The following ACSM4 variants were observed in gnomAD, a reference collection of about 807,000 sequenced individuals.
ACSM4 encodes acyl-coenzyme A synthetase ACSM4, mitochondrial.
Under a neutral mutation model 73.0 loss-of-function variants are expected in ACSM4, and 66 were observed. The ratio of observed to expected loss-of-function variants is 0.90; its 90% CI spans 0.74 to 1.11. ACSM4 has a LOEUF of 1.11. Ranked by LOEUF, ACSM4 falls within the 50% of genes least tolerant of loss-of-function variation. The pLI is 0.00. For synonymous variants in ACSM4, 222 were observed against 254.0 expected, an observed-to-expected ratio of 0.87 and a Z score of 1.20; for missense variants, 645 against 714.4, an observed-to-expected ratio of 0.90 and a Z score of 1.11.
At chr12:7,305,696 C>T (rs1470431986) in intron 1 of ACSM4, among the ~76,000 whole-genome samples, 1 of 152,128 alleles carries the variant, frequency 6.6e-6, no homozygotes, top group Non-Finnish European at 1.5e-5. Context: ...GGAGTATGAG[C>T]ACAACGATGA....
chr12:7,313,953 G>A (rs1251902510), intron 3 of ACSM4, among the ~76,000 whole-genome samples: 1 of 152,142 alleles, frequency 6.6e-6, no homozygotes, highest in Non-Finnish European at 1.5e-5. Flanking sequence ...GGTCAGGTTT[G>A]GATTTTAAAT....
chr12:7,304,715 G>A (rs1161883424), intron 1 of ACSM4, among the ~76,000 whole-genome samples, 183 bp downstream of exon 1: 1 of 152,164 alleles, frequency 6.6e-6, no homozygotes, highest in African/African-American at 2.4e-5. Flanking sequence ...AGCCACAAAT[G>A]GCTGGGCGGC....
chr12:7,313,290 T>C (rs1351792928), intron 3 of ACSM4, among the ~76,000 whole-genome samples: 5 of 152,146 alleles, frequency 3.3e-5, no homozygotes, highest in African/African-American at 1.2e-4. Flanking sequence ...TTGCACACTT[T>C]GGGAGTGGTT....
In ACSM4 at chr12:7,304,408, A is replaced by T. The variant is rs751261458; in HGVS notation, c.77A>T (p.Asp26Val). 2 of 1,613,988 alleles carry T rather than the reference A, an allele frequency of 1.2e-6. No homozygotes were observed. Among genetic ancestry groups the T allele is most frequent in the African/African-American group, 2.7e-5 (2 of 75,042 alleles). The part of the protein sequence containing the change: ...TKPPGRRLHK[D>V]HQLWTPLTLA... Reference sequence around the variant, plus strand: ...CCACCTGGCCGGCGCTTACACAAAGATCACCAGCTTTGGACGCCTCTGACT... The same window carrying T: ...CCACCTGGCCGGCGCTTACACAAAGTTCACCAGCTTTGGACGCCTCTGACT... Residue 26 changes from aspartate (D) to valine (V), a missense_variant, in exon 1 of 13, where the codon GAT (aspartate) becomes GTT (valine). Physicochemically the swap from Asp to Val is radical, Grantham distance 152. Transcript: ENST00000399422.
Position 7,324,516 on chromosome 12 carries a change from T to C in ACSM4, c.1454T>C (p.Phe485Ser). ...CTCTTCAGGTACCGTATTGGGCCAT[T>C]TGAAGTGGAGAGTGCACTCATTGAG... ...IISSGYRIGP[F>S]EVESALIEHP... The change falls in exon 11 of 13, where the codon TTT becomes TCT. Residue 485 changes from phenylalanine to serine, a missense_variant. Phe to Ser is a radical substitution (Grantham distance 155). Transcript: ENST00000399422. The C allele has an allele frequency of 6.2e-7, 1 of 1,613,916 alleles. No homozygotes were observed. The highest frequency in any genetic ancestry group is 8.5e-7 in the Non-Finnish European group (1 of 1,179,858).
chr12:7,305,061 G>A (rs1340128301), intron 1 of ACSM4, among the ~76,000 whole-genome samples: 1 of 152,144 alleles, frequency 6.6e-6, no homozygotes, highest in Non-Finnish European at 1.5e-5. Context: ...ATGCACTGCA[G>A]GACCATGGAT....
At chr12:7,310,895 C>G (rs7962994) in intron 3 of ACSM4, 149 bp downstream of exon 3, 845,689 of 846,418 alleles carry the variant, frequency 1, 422,483 homozygotes, top group East Asian at 1. Context: ...GCTGGGTGCG[C>G]TGGCTCACAC....
chr12:7,306,847 C>CAAAAAAAAAAAAAA (rs59277746), intron 2 of ACSM4, 104 bp downstream of exon 2: 1 of 442,838 alleles, frequency 2.3e-6, no homozygotes, highest in African/African-American at 2.4e-5. Context: ...ATACAGAAGA[C>CAAAAAAAAAAAAAA]AAAAAAAAAA....
intron 4 of ACSM4, 136 bp downstream of exon 4, chr12:7,317,416 T>C (rs941314149): frequency 8.0e-7 from 1 of 1,249,694 alleles, no homozygotes; most frequent in Non-Finnish European, 1.1e-6. Flanking sequence ...GAACTCTTGC[T>C]GGCCCCGCCC....
Position 7,324,832 on chromosome 12 carries a change from T to TA in ACSM4, c.1536+249dup, listed in dbSNP as rs34818475. Among the ~76,000 whole-genome samples the TA allele has an allele frequency of 7.3e-3, 995 of 136,774 alleles. 12 individuals carry two copies. The highest frequency in any genetic ancestry group is 0.022 in the Middle Eastern group (6 of 272). The allele number at this position is 136,774 out of a possible 152,430, so 89.7% of individuals were successfully genotyped here. On this transcript the variant is annotated intron_variant, in intron 11 of 12. Transcript: ENST00000399422. ...AAACACAATTCCAACTGCCTTAAGT[T>TA]AAAAAAAAAAAAAAAGCATTTGGCT... is the stretch of plus-strand genomic sequence containing the variant.
intron 5 of ACSM4, chr12:7,318,407 A>G: frequency 2.0e-6 from 1 of 498,940 alleles, no homozygotes; most frequent in Non-Finnish European, 3.5e-6. Context: ...TCTGCTTCAA[A>G]TAGCTCAGGA....
rs1415889554 is a variant in ACSM4 at position 7,327,069 on chromosome 12, A to G, written c.1630A>G (p.Thr544Ala). Residue 544 changes from threonine (T) to alanine (A), a missense_variant, in exon 12 of 13, where the codon ACT (threonine) becomes GCT (alanine). Thr to Ala is a moderately conservative substitution (Grantham distance 58). Coordinates refer to ENST00000399422, the MANE Select transcript of ACSM4 (RefSeq NM_001080454.2). ...ACTTCAGGATCATGTGAAAAAATCA[A>G]CTGCACCTTACAAATATCCAAGAAA... ...LELQDHVKKSTAPYKYPRKVE... is the reference protein window; with the variant it reads ...LELQDHVKKSAAPYKYPRKVE... 1.9e-6 allele frequency: 3 copies of G among 1,609,210 alleles called. No individual in the cohort carries two copies. The highest frequency in any genetic ancestry group is 2.7e-5 in the African/African-American group (2 of 74,856).
chr12:7,319,461 G>A (rs955540483), intron 5 of ACSM4, among the ~76,000 whole-genome samples: 1 of 151,750 alleles, frequency 6.6e-6, no homozygotes, highest in Non-Finnish European at 1.5e-5. Context: ...CATGGTGGTG[G>A]GTGCCTGTAA....
At chr12:7,326,409 C>A (rs779060389) in intron 11 of ACSM4, among the ~76,000 whole-genome samples, 56 of 152,290 alleles carry the variant, frequency 3.7e-4, no homozygotes, top group African/African-American at 1.3e-3. Flanking sequence ...GGGGTCTCAC[C>A]ATGTTGACCA....
At position 7,317,427 on chromosome 12, in the gene ACSM4, A is replaced by G. The variant is rs1050101704; in HGVS notation, c.764+147A>G. ...AACAGAACTCTTGCTGGCCCCGCCC[A>G]ACCTAGCTCAGTAAATGGCAGCATC... On this transcript the variant is annotated intron_variant, in intron 4 of 12. Coordinates refer to ENST00000399422, the MANE Select transcript of ACSM4 (RefSeq NM_001080454.2). 1.5e-5 allele frequency: 17 copies of G among 1,142,214 alleles called. No homozygotes were observed. The African/African-American group carries it at 2.6e-4, about 17-fold the overall frequency. The allele number at this position is 1,142,214 out of a possible 1,614,324, so 70.8% of individuals were successfully genotyped here. A position where few individuals can be genotyped will look rare whatever the true frequency, so the allele number is the denominator to read the frequency against.
chr12:7,323,211 T>C (rs1160758254), intron 7 of ACSM4, 23 bp from the exon 8 acceptor site: 7 of 1,583,884 alleles, frequency 4.4e-6, no homozygotes, highest in East Asian at 4.5e-5. Context: ...TGTATACTTA[T>C]ACAAAGCTTG....
intron 6 of ACSM4, 66 bp downstream of exon 6, chr12:7,320,870 C>A: frequency 7.4e-7 from 1 of 1,358,770 alleles, no homozygotes; most frequent in Non-Finnish European, 1.0e-6. Context: ...ACAGATCTCT[C>A]TTTTTCAGCA....
chr12:7,317,311 G>C (rs969860302), intron 4 of ACSM4, 31 bp downstream of exon 4: 1 of 1,535,560 alleles, frequency 6.5e-7, no homozygotes, highest in Admixed American at 2.1e-5. Flanking sequence ...TGTTTTTGGT[G>C]AACTCCCCCA....
intron 5 of ACSM4, among the ~76,000 whole-genome samples, chr12:7,320,386 G>A (rs536464890): frequency 6.6e-6 from 1 of 152,172 alleles, no homozygotes; most frequent in African/African-American, 2.4e-5. Flanking sequence ...TTGGCAGGAG[G>A]TTACAAGATT....
Sources: allele counts gnomAD v4.1 joint callset (sites outside exome capture counted in the v4.1 genomes callset), GRCh38; gene constraint gnomAD v4.1.1; transcripts MANE v1.5; gene names NCBI Gene and HGNC (gene_info 2026-07-23, HGNC 2026-07-21).